Variants in RANBP2 observed in about 807,000 individuals in gnomAD.
RANBP2 encodes the protein E3 SUMO-protein ligase RanBP2.
RANBP2 carries 57 observed loss-of-function variants against 303.6 expected under a neutral mutation model. That is an observed-to-expected ratio of 0.19 (90% CI 0.15 to 0.23). RANBP2 has a LOEUF of 0.23. RANBP2 is among the 10% of genes least tolerant of loss of function. The pLI, the probability that RANBP2 is intolerant of heterozygous loss-of-function variation, is 1.00. For synonymous variants in RANBP2, 1,167 were observed against 1,301.5 expected (o/e 0.90, Z 2.23); for missense variants, 3,138 against 3,780.8 (o/e 0.83, Z 4.46).
the RANBP2 span, among the ~76,000 whole-genome samples, chr2:108,922,115 T>C: frequency 2.0e-5 from 3 of 152,206 alleles, no homozygotes; most frequent in African/African-American, 7.2e-5. Context: ...ACATTGAACA[T>C]TGAAGGCTGT....
At chr2:109,203,006 C>T in the RANBP2 span, among the ~76,000 whole-genome samples, 1 of 152,284 alleles carries the variant, frequency 6.6e-6, no homozygotes, top group East Asian at 1.9e-4. Context: ...AACACTTGGG[C>T]CTGAGGATAC....
chr2:109,180,307 A>G, the RANBP2 span, among the ~76,000 whole-genome samples: 1 of 152,146 alleles, frequency 6.6e-6, no homozygotes, highest in Non-Finnish European at 1.5e-5. Context: ...CTGATTTGGC[A>G]GATGGTATTG....
At chr2:109,394,989 C>T in the RANBP2 span, among the ~76,000 whole-genome samples, 3 of 152,238 alleles carry the variant, frequency 2.0e-5, no homozygotes, top group East Asian at 3.9e-4. Flanking sequence ...TGTGTGTGGC[C>T]GGTGAGGGTC....
At chr2:109,373,666 G>T in the RANBP2 span, among the ~76,000 whole-genome samples, 2 of 152,170 alleles carry the variant, frequency 1.3e-5, no homozygotes, top group East Asian at 3.8e-4. Context: ...AAGAGGTAAG[G>T]AGGTTCTGGG....
chr2:109,569,564 A>C, the RANBP2 span, among the ~76,000 whole-genome samples: 3 of 152,168 alleles, frequency 2.0e-5, no homozygotes, highest in African/African-American at 7.2e-5. Context: ...CAAGGAGAGA[A>C]ATTTTTTCTG....
At chr2:109,274,633 G>A in the RANBP2 span, among the ~76,000 whole-genome samples, 11 of 152,222 alleles carry the variant, frequency 7.2e-5, no homozygotes, top group African/African-American at 2.4e-4. Context: ...CTGAGAAGAG[G>A]CGGCAATGGA....
the RANBP2 span, among the ~76,000 whole-genome samples, chr2:109,519,066 C>T: frequency 1.3e-4 from 19 of 151,782 alleles, no homozygotes; most frequent in Non-Finnish European, 2.1e-4. Flanking sequence ...TTACAGGTGC[C>T]CGCCACCATG....
At chr2:109,390,038 A>C in the RANBP2 span, among the ~76,000 whole-genome samples, 1 of 152,180 alleles carries the variant, frequency 6.6e-6, no homozygotes. Context: ...CCTCAGGTTA[A>C]AAATGGCCAG....
At chr2:109,223,942 C>T in the RANBP2 span, among the ~76,000 whole-genome samples, 2 of 152,236 alleles carry the variant, frequency 1.3e-5, no homozygotes, top group African/African-American at 4.8e-5. Context: ...GTGTGGGTTG[C>T]AGTGAGCCAT....
the RANBP2 span, among the ~76,000 whole-genome samples, chr2:109,496,499 A>C: frequency 0.26 from 38,790 of 152,104 alleles, 5,290 homozygotes; most frequent in East Asian, 0.5. Context: ...TCTAATAGTA[A>C]CATATGCTGT....
At chr2:108,928,275 C>T in the RANBP2 span, among the ~76,000 whole-genome samples, 1 of 152,188 alleles carries the variant, frequency 6.6e-6, no homozygotes, top group African/African-American at 2.4e-5. Flanking sequence ...CCTAGTCCTA[C>T]TTCTTAGCCT....
At chr2:108,999,101 T>C in the RANBP2 span, among the ~76,000 whole-genome samples, 3 of 152,256 alleles carry the variant, frequency 2.0e-5, no homozygotes, top group Non-Finnish European at 4.4e-5. Flanking sequence ...ATTGTAAGTA[T>C]GTGAAATATG....
At chr2:109,113,613 G>A in the RANBP2 span, among the ~76,000 whole-genome samples, 1 of 152,136 alleles carries the variant, frequency 6.6e-6, no homozygotes, top group South Asian at 2.1e-4. Flanking sequence ...TTTCCTCATT[G>A]AATACCCTTT....
the RANBP2 span, among the ~76,000 whole-genome samples, chr2:108,957,137 C>T: frequency 6.6e-6 from 1 of 152,246 alleles, no homozygotes. Flanking sequence ...ACACTTTCCC[C>T]AGGCCTCAAT....
the RANBP2 span, among the ~76,000 whole-genome samples, chr2:109,714,730 C>T: frequency 6.6e-6 from 1 of 151,532 alleles, no homozygotes; most frequent in East Asian, 1.9e-4. Context: ...CTGCCTCATC[C>T]TTTGAGTAGT....
At chr2:109,485,092 A>G in the RANBP2 span, among the ~76,000 whole-genome samples, 1 of 152,254 alleles carries the variant, frequency 6.6e-6, no homozygotes, top group Non-Finnish European at 1.5e-5. Context: ...ATGGGTTATC[A>G]TGGCTAACTT....
chr2:109,134,850 G>A, the RANBP2 span, among the ~76,000 whole-genome samples: 1 of 152,186 alleles, frequency 6.6e-6, no homozygotes, highest in South Asian at 2.1e-4. Flanking sequence ...CCCACAGAGT[G>A]CACAGAGCAG....
chr2:109,580,387 T>C, the RANBP2 span, among the ~76,000 whole-genome samples: 1 of 148,280 alleles, frequency 6.7e-6, no homozygotes, highest in Non-Finnish European at 1.5e-5. Flanking sequence ...CATATATTAA[T>C]GATTCTTTAA....
chr2:109,089,322 G>C, the RANBP2 span, among the ~76,000 whole-genome samples: 1 of 152,116 alleles, frequency 6.6e-6, no homozygotes, highest in African/African-American at 2.4e-5. Flanking sequence ...ACAGGGGTTG[G>C]CTGGGTGCAG....
Sources: gnomAD v4.1 joint callset for allele counts (sites outside exome capture counted in the v4.1 genomes callset) on GRCh38, gnomAD v4.1.1 for gene constraint, MANE v1.5 for transcripts, NCBI Gene and HGNC (gene_info 2026-07-23, HGNC 2026-07-21) for gene names.